Variants in EDAR observed in about 807,000 individuals in gnomAD.
EDAR encodes the protein tumor necrosis factor receptor superfamily member EDAR.
EDAR carries 38 observed loss-of-function variants against 51.3 expected under a neutral mutation model. That is an observed-to-expected ratio of 0.74 (90% CI 0.57 to 0.97). The LOEUF (loss-of-function observed/expected upper bound fraction) is 0.97. Ranked by LOEUF, EDAR falls within the 50% of genes least tolerant of loss-of-function variation. EDAR has a pLI of 0.00. For synonymous variants in EDAR, 227 were observed against 242.1 expected, an observed-to-expected ratio of 0.94 and a Z score of 0.58; for missense variants, 528 against 595.0, an observed-to-expected ratio of 0.89 and a Z score of 1.17.
At chr2:108,937,486 AGTATGT>A (rs1284102857) in intron 1 of EDAR, among the ~76,000 whole-genome samples, 6 of 151,932 alleles carry the variant, frequency 3.9e-5, no homozygotes, top group East Asian at 3.9e-4. Flanking sequence ...TGTGCATAAG[AGTATGT>A]GTATGTGTAT....
chr2:108,932,654 G>A (rs185760263), intron 1 of EDAR, among the ~76,000 whole-genome samples: 1 of 152,174 alleles, frequency 6.6e-6, no homozygotes, highest in Non-Finnish European at 1.5e-5. Flanking sequence ...CCTGTCAGTG[G>A]GGACTGACAT....
intron 1 of EDAR, among the ~76,000 whole-genome samples, chr2:108,988,441 C>G (rs1048631388): frequency 3.3e-5 from 5 of 152,120 alleles, no homozygotes; most frequent in African/African-American, 9.7e-5. Flanking sequence ...TCCTTCTCTC[C>G]CTCTCCCCGC....
intron 1 of EDAR, among the ~76,000 whole-genome samples, chr2:108,973,198 G>T (rs545413173): frequency 1.1e-3 from 175 of 152,330 alleles, no homozygotes; most frequent in Non-Finnish European, 2.0e-3. Context: ...ATGTTGGCCA[G>T]GCTGGTGTTG....
intron 4 of EDAR, among the ~76,000 whole-genome samples, chr2:108,925,404 A>G (rs1306994449): frequency 6.6e-6 from 1 of 152,206 alleles, no homozygotes; most frequent in East Asian, 1.9e-4. Flanking sequence ...CGGCGGATGC[A>G]CAACACCCGG....
intron 1 of EDAR, among the ~76,000 whole-genome samples, chr2:108,949,542 C>T (rs1697782562): frequency 6.6e-6 from 1 of 152,138 alleles, no homozygotes; most frequent in Non-Finnish European, 1.5e-5. Flanking sequence ...AGCTAACAGC[C>T]TCCAAACCAG....
intron 1 of EDAR, among the ~76,000 whole-genome samples, chr2:108,947,601 C>A (rs937824222): frequency 6.6e-6 from 1 of 152,236 alleles, no homozygotes; most frequent in African/African-American, 2.4e-5. Flanking sequence ...GCAGTCCCAA[C>A]ACCAAGTGGA....
chr2:108,982,100 C>G (rs1301191735), intron 1 of EDAR, among the ~76,000 whole-genome samples: 1 of 152,240 alleles, frequency 6.6e-6, no homozygotes, highest in South Asian at 2.1e-4. Context: ...CCTATTTCCT[C>G]CTTTCAATGC....
At position 108,923,452 on chromosome 2, in the gene EDAR, A is replaced by G. The variant is rs778718816; in HGVS notation, c.358T>C (p.Tyr120His). 3 of 1,614,092 alleles carry G rather than the reference A, an allele frequency of 1.9e-6. No homozygotes were observed. Among genetic ancestry groups the G allele is most frequent in the Admixed American group, 1.7e-5 (1 of 60,020 alleles). Residue 120 changes from tyrosine (Y) to histidine (H), a missense_variant and splice_region_variant, in exon 5 of 12, where the codon TAC (tyrosine) becomes CAC (histidine). Tyr to His is a moderately conservative substitution (Grantham distance 83). Transcript: ENST00000258443. ...DAECGPCLPGYYMLENRPRNI... is the reference protein window; with the variant it reads ...DAECGPCLPGHYMLENRPRNI... ...CTCGGTCTGTTCTCCAGCATGTAGT[A>G]GCTACGGGGGAGAGACAAGACAAAA...
At position 108,975,640 on chromosome 2, in the gene EDAR, G is replaced by T. The variant is rs185087875; in HGVS notation, c.-19+13320C>A. Among the ~76,000 whole-genome samples, 3 of 152,284 alleles carry T rather than the reference G, an allele frequency of 2.0e-5. No homozygotes were observed. The East Asian group carries it at 5.8e-4, about 29-fold the overall frequency. ...CCAGCACCAATAAGCCTAAAATAGA[G>T]CCGGGGGAACAGGGGTGCGGTCTGG... On this transcript the variant is annotated intron_variant, in intron 1 of 11. Coordinates refer to ENST00000258443, the MANE Select transcript of EDAR (RefSeq NM_022336.4).
chr2:108,961,530 A>G (rs1698042287), intron 1 of EDAR, among the ~76,000 whole-genome samples: 1 of 152,240 alleles, frequency 6.6e-6, no homozygotes, highest in Non-Finnish European at 1.5e-5. Context: ...TGCCTACATC[A>G]GATTTACATG....
chr2:108,963,288 T>C (rs937491558), intron 1 of EDAR, among the ~76,000 whole-genome samples: 1 of 152,224 alleles, frequency 6.6e-6, no homozygotes, highest in Admixed American at 6.5e-5. Context: ...TACACACTGT[T>C]AAACTGTTCA....
At chr2:108,954,285 C>T (rs1195488073) in intron 1 of EDAR, among the ~76,000 whole-genome samples, 4 of 152,316 alleles carry the variant, frequency 2.6e-5, no homozygotes, top group African/African-American at 7.2e-5. Context: ...GATAGCTATA[C>T]ATCAAGACCT....
chr2:108,962,622 C>T (rs1266818352), intron 1 of EDAR, among the ~76,000 whole-genome samples: 4 of 142,102 alleles, frequency 2.8e-5, no homozygotes, highest in Admixed American at 7.6e-5. Context: ...TTGCAGAGAG[C>T]CGAGATCGCT....
chr2:108,934,554 C>T (rs1356543043), intron 1 of EDAR, among the ~76,000 whole-genome samples: 2 of 152,180 alleles, frequency 1.3e-5, no homozygotes, highest in Non-Finnish European at 2.9e-5. Context: ...CACGGACTGG[C>T]TAATGAACTG....
intron 9 of EDAR, among the ~76,000 whole-genome samples, chr2:108,910,052 A>T (rs1013277193): frequency 2.0e-4 from 30 of 152,254 alleles, no homozygotes; most frequent in African/African-American, 7.2e-4. Context: ...GTTAGCCGTC[A>T]TCACCACGGT....
chr2:108,974,148 T>C (rs954227311), intron 1 of EDAR, among the ~76,000 whole-genome samples: 11 of 150,908 alleles, frequency 7.3e-5, no homozygotes, highest in African/African-American at 2.4e-4. Context: ...GCTAACATGG[T>C]GAAACCCCGT....
At chr2:108,940,727 G>A (rs1330422905) in intron 1 of EDAR, among the ~76,000 whole-genome samples, 13 of 152,322 alleles carry the variant, frequency 8.5e-5, no homozygotes, top group Admixed American at 3.3e-4. Flanking sequence ...GTCTGAACGG[G>A]GCAGGCTTCC....
At position 108,923,218 on chromosome 2, in the gene EDAR, C is replaced by T. The variant is rs1018554493; in HGVS notation, c.442+150G>A. ...AAACATCCCTCCCTTCATAGACCTG[C>T]CTGGACAGGCCACAGGAGCACTTTC... On this transcript the variant is annotated intron_variant, in intron 5 of 11. Transcript: ENST00000258443. The T allele has an allele frequency of 4.1e-5, 32 of 780,168 alleles. 1 individual carries two copies. The Admixed American group carries it at 6.1e-4, about 15-fold the overall frequency. The allele number at this position is 780,168 out of a possible 1,614,324, so 48.3% of individuals were successfully genotyped here. A position where few individuals can be genotyped will look rare whatever the true frequency, so the allele number is the denominator to read the frequency against.
intron 3 of EDAR, 121 bp downstream of exon 3, chr2:108,929,999 C>T (rs1574386098): frequency 8.0e-7 from 1 of 1,254,812 alleles, no homozygotes; most frequent in East Asian, 2.6e-5. Flanking sequence ...GGGAGCGTGA[C>T]CGGCTGGTTT....
Sources: allele counts gnomAD v4.1 joint callset (sites outside exome capture counted in the v4.1 genomes callset), GRCh38; gene constraint gnomAD v4.1.1; transcripts MANE v1.5; gene names NCBI Gene and HGNC (gene_info 2026-07-23, HGNC 2026-07-21).